The following PRKD1 variants were observed in gnomAD, a reference collection of about 807,000 sequenced individuals.
PRKD1 encodes protein kinase D1.
Under a neutral mutation model 95.9 loss-of-function variants are expected in PRKD1, and 63 were observed. That is an observed-to-expected ratio of 0.66 (90% confidence interval 0.54 to 0.81). The LOEUF is 0.81. Ranked by LOEUF, PRKD1 falls within the 30% of genes least tolerant of loss-of-function variation. PRKD1 has a pLI of 0.00. For synonymous variants in PRKD1, 425 were observed against 423.1 expected (o/e 1.00, Z -0.05); for missense variants, 1,048 against 1,165.3 (o/e 0.90, Z 1.47).
chr14:29,647,629 C>T (rs187115389), intron 4 of PRKD1, among the ~76,000 whole-genome samples: 3 of 152,324 alleles, frequency 2.0e-5, no homozygotes, highest in Non-Finnish European at 1.5e-5. Context: ...GAGACTGTGA[C>T]ACTGATTACT....
intron 1 of PRKD1, among the ~76,000 whole-genome samples, chr14:29,803,050 A>G (rs1890098317): frequency 6.6e-6 from 1 of 152,250 alleles, no homozygotes. Context: ...AGGCCAGGTC[A>G]AAAGCCATGC....
In PRKD1 at chr14:29,799,896, G is replaced by T. The variant is rs75222898; in HGVS notation, c.265-74222C>A. Among the ~76,000 whole-genome samples, 17 of 152,120 alleles carry T rather than the reference G, an allele frequency of 1.1e-4. No individual in the cohort carries two copies. The East Asian group carries it at 3.3e-3, about 29-fold the overall frequency. On this transcript the variant is annotated intron_variant, in intron 1 of 17. Coordinates refer to ENST00000331968, the MANE Select transcript of PRKD1 (RefSeq NM_002742.3). ...TACTCTCAACAGTGTTCTTTTCATGGTCTATTTAATGCCACATTTTTTGCA... is the reference window on the plus strand; with the variant it reads ...TACTCTCAACAGTGTTCTTTTCATGTTCTATTTAATGCCACATTTTTTGCA...
At position 29,918,315 on chromosome 14, in the gene PRKD1, G is replaced by A. The variant is rs189712155; in HGVS notation, c.264+8934C>T. Among the ~76,000 whole-genome samples the A allele has an allele frequency of 7.4e-4, 112 of 152,152 alleles. 1 individual carries two copies. Among genetic ancestry groups the A allele is most frequent in the East Asian group, 1.4e-3 (7 of 5,176 alleles). ...TGCAGTGTTACAAAGGGAACTCAACGTGAGACAGGTAATTCAAACAGTCAG... is the reference window on the plus strand; with the variant it reads ...TGCAGTGTTACAAAGGGAACTCAACATGAGACAGGTAATTCAAACAGTCAG... On this transcript the variant is annotated intron_variant, in intron 1 of 17. Transcript: ENST00000331968.
chr14:29,866,392 A>T (rs995780754), intron 1 of PRKD1, among the ~76,000 whole-genome samples: 7 of 152,228 alleles, frequency 4.6e-5, no homozygotes, highest in Non-Finnish European at 1.5e-5. Context: ...TAGCAGCTAT[A>T]CATGAGAAAA....
rs1007497787 is a variant in PRKD1 at position 29,773,781 on chromosome 14, C to T, written c.265-48107G>A. Reference sequence around the variant, plus strand: ...TTCATAAGAGACTGCAAGCTGCACACGAGACAATGAAATGTACCCAGGCAA... The same window carrying T: ...TTCATAAGAGACTGCAAGCTGCACATGAGACAATGAAATGTACCCAGGCAA... On this transcript the variant is annotated intron_variant, in intron 1 of 17. Transcript: ENST00000331968. Among the ~76,000 whole-genome samples the T allele has an allele frequency of 9.9e-5, 15 of 152,224 alleles. No individual in the cohort carries two copies. The East Asian group carries it at 1.2e-3, about 12-fold the overall frequency.
At chr14:29,812,214 C>T (rs1890518025) in intron 1 of PRKD1, among the ~76,000 whole-genome samples, 1 of 152,048 alleles carries the variant, frequency 6.6e-6, no homozygotes, top group South Asian at 2.1e-4. Context: ...TCTTACAACT[C>T]CATATTATAA....
At chr14:29,853,082 T>G (rs183317861) in intron 1 of PRKD1, among the ~76,000 whole-genome samples, 5 of 152,300 alleles carry the variant, frequency 3.3e-5, no homozygotes, top group Admixed American at 2.0e-4. Flanking sequence ...AGAGCAGAAG[T>G]AGCTATATTA....
At chr14:29,826,565 T>A (rs1374981814) in intron 1 of PRKD1, among the ~76,000 whole-genome samples, 86 of 10,722 alleles carry the variant, frequency 8.0e-3, no homozygotes, top group Middle Eastern at 0.071. Context: ...TATGATGGAA[T>A]ATATATATAT....
intron 1 of PRKD1, among the ~76,000 whole-genome samples, chr14:29,726,125 C>A (rs1886130208): frequency 6.6e-6 from 1 of 151,926 alleles, no homozygotes; most frequent in South Asian, 2.1e-4. Context: ...TTGGCATATT[C>A]AAAAATAAGA....
chr14:29,785,086 C>T lies in PRKD1; in HGVS notation c.265-59412G>A, dbSNP rs114568395. ...AATATGCTTACCCATTACACATGCA[C>T]TCAACTTCCCTCACAAATATGTACA... is the stretch of plus-strand genomic sequence containing the variant. On this transcript the variant is annotated intron_variant, in intron 1 of 17. Coordinates refer to ENST00000331968, the MANE Select transcript of PRKD1 (RefSeq NM_002742.3). 8.8e-3 allele frequency among the ~76,000 whole-genome samples: 1,339 copies of T among 152,294 alleles called. 19 individuals carry two copies. The highest frequency in any genetic ancestry group is 0.031 in the African/African-American group (1,297 of 41,562).
intron 1 of PRKD1, among the ~76,000 whole-genome samples, chr14:29,765,451 T>C (rs1214341551): frequency 6.6e-6 from 1 of 152,146 alleles, no homozygotes; most frequent in Non-Finnish European, 1.5e-5. Flanking sequence ...TATAAATGGG[T>C]AAAAACCATT....
At chr14:29,587,520 G>A (rs1018744985) in intron 16 of PRKD1, among the ~76,000 whole-genome samples, 3 of 152,050 alleles carry the variant, frequency 2.0e-5, no homozygotes, top group African/African-American at 7.2e-5. Flanking sequence ...ATTTTGAATG[G>A]CAAATAAACA....
At chr14:29,626,407 T>G in intron 12 of PRKD1, 77 bp downstream of exon 12, 1 of 1,181,668 alleles carries the variant, frequency 8.5e-7, no homozygotes, top group Admixed American at 1.8e-5. Flanking sequence ...TTCTATGTTT[T>G]TCCTGTAAAT....
At chr14:29,848,819 A>C (rs577434359) in intron 1 of PRKD1, among the ~76,000 whole-genome samples, 1 of 146,254 alleles carries the variant, frequency 6.8e-6, no homozygotes, top group African/African-American at 2.4e-5. Flanking sequence ...AAAGAACTGA[A>C]GGAAGATGTA....
At chr14:29,785,528 T>C (rs967954356) in intron 1 of PRKD1, among the ~76,000 whole-genome samples, 5 of 152,156 alleles carry the variant, frequency 3.3e-5, no homozygotes, top group Admixed American at 3.3e-4. Context: ...TTTGACTTCC[T>C]CCTTTCCAAT....
At chr14:29,876,392 T>G (rs1323033279) in intron 1 of PRKD1, among the ~76,000 whole-genome samples, 1 of 152,190 alleles carries the variant, frequency 6.6e-6, no homozygotes, top group Non-Finnish European at 1.5e-5. Flanking sequence ...ATGAAAATTT[T>G]CTGTATCCTG....
Position 29,636,371 on chromosome 14 carries a change from A to AT in PRKD1, c.1108dup (p.Met370AsnfsTer79). The AT allele has an allele frequency of 1.2e-6, 2 of 1,614,132 alleles. No homozygotes were observed. The highest frequency in any genetic ancestry group is 8.5e-7 in the Non-Finnish European group (1 of 1,180,028). On this transcript the variant is annotated frameshift_variant, in exon 7 of 18. Coordinates refer to ENST00000331968, the MANE Select transcript of PRKD1 (RefSeq NM_002742.3). LOFTEE classifies it high-confidence loss of function. ...GTCGTTCTGGCACTCTGCCATTGCCATCTCTGCATCTTGGACCATTGCTTC... is the reference window on the plus strand; with the variant it reads ...GTCGTTCTGGCACTCTGCCATTGCCATTCTCTGCATCTTGGACCATTGCTTC...
chr14:29,652,213 G>A (rs535106836), intron 4 of PRKD1, among the ~76,000 whole-genome samples: 1 of 152,286 alleles, frequency 6.6e-6, no homozygotes, highest in South Asian at 2.1e-4. Context: ...TGTCTTGTCA[G>A]GAGTGCTGTG....
intron 2 of PRKD1, among the ~76,000 whole-genome samples, chr14:29,714,110 G>T (rs1885474403): frequency 6.6e-6 from 1 of 152,160 alleles, no homozygotes; most frequent in Admixed American, 6.6e-5. Context: ...CTACAAATTA[G>T]ATTTGAGAGT....
Sources: gnomAD v4.1 joint callset for allele counts (sites outside exome capture counted in the v4.1 genomes callset) on GRCh38, gnomAD v4.1.1 for gene constraint, MANE v1.5 for transcripts, NCBI Gene and HGNC (gene_info 2026-07-23, HGNC 2026-07-21) for gene names.